Variants in SGCZ observed in about 807,000 individuals in gnomAD.
SGCZ encodes sarcoglycan zeta.
A neutral mutation model predicts 41.3 loss-of-function variants in SGCZ; 40 were observed. The observed-to-expected ratio is 0.97, with a 90% CI of 0.75 to 1.26. The LOEUF (loss-of-function observed/expected upper bound fraction) is 1.26, where lower values mean the gene tolerates loss of function less well. Among genes scored for constraint, SGCZ ranks in the 50% most tolerant of loss-of-function variants. The pLI, the probability that SGCZ is intolerant of heterozygous loss-of-function variation, is 0.00. For synonymous variants in SGCZ, 206 were observed against 137.5 expected (o/e 1.50, Z -3.49); for missense variants, 552 against 369.8 (o/e 1.49, Z -4.04).
intron 2 of SGCZ, among the ~76,000 whole-genome samples, chr8:14,454,090 A>G (rs1800674298): frequency 6.6e-6 from 1 of 152,214 alleles, no homozygotes; most frequent in African/African-American, 2.4e-5. Context: ...GTCCGCAGCA[A>G]GAATTTGGGG....
In SGCZ at chr8:14,652,997, T is replaced by A. The variant is rs185856789; in HGVS notation, c.40-98071A>T. Reference sequence around the variant, plus strand: ...ACACTTTCAAATGACTTCAGATACATGCAATTGTTAATATCATAAATTATG... The same window carrying A: ...ACACTTTCAAATGACTTCAGATACAAGCAATTGTTAATATCATAAATTATG... On this transcript the variant is annotated intron_variant, in intron 1 of 7. Coordinates refer to ENST00000382080, the MANE Select transcript of SGCZ (RefSeq NM_139167.4). Among the ~76,000 whole-genome samples the A allele has an allele frequency of 1.4e-3, 220 of 152,268 alleles. 1 individual carries two copies. Among genetic ancestry groups the A allele is most frequent in the Non-Finnish European group, 2.0e-3 (139 of 68,020 alleles).
chr8:14,670,646 T>G (rs1332194520), intron 1 of SGCZ, among the ~76,000 whole-genome samples: 1 of 152,164 alleles, frequency 6.6e-6, no homozygotes, highest in African/African-American at 2.4e-5. Flanking sequence ...TGGAACACAA[T>G]GTATAATATT....
chr8:15,171,483 CA>C (rs1481226599), intron 1 of SGCZ, among the ~76,000 whole-genome samples: 5 of 152,158 alleles, frequency 3.3e-5, no homozygotes, highest in Non-Finnish European at 7.4e-5. Flanking sequence ...GAAAGGACAC[CA>C]GCCCTTCAGA....
intron 1 of SGCZ, among the ~76,000 whole-genome samples, chr8:14,788,284 A>G (rs927698954): frequency 6.6e-6 from 1 of 152,198 alleles, no homozygotes; most frequent in African/African-American, 2.4e-5. Context: ...TTCCAGAAAC[A>G]TAGACAGTGT....
rs115617038 is a variant in SGCZ, at chr8:14,437,998, T to A, written c.235-113794A>T. Reference sequence around the variant, plus strand: ...TTCAAATAGCCTCCGAGAAATTTTATGAGCATTGTAATTTAGAATCATTAA... The same window carrying A: ...TTCAAATAGCCTCCGAGAAATTTTAAGAGCATTGTAATTTAGAATCATTAA... On this transcript the variant is annotated intron_variant, in intron 2 of 7. Coordinates refer to ENST00000382080, the MANE Select transcript of SGCZ (RefSeq NM_139167.4). Among the ~76,000 whole-genome samples, 1,016 of 152,122 alleles carry A rather than the reference T, an allele frequency of 6.7e-3. 6 individuals are homozygous for A. Among genetic ancestry groups the A allele is most frequent in the South Asian group, 0.026 (123 of 4,820 alleles).
At chr8:14,833,290 T>C (rs1344747636) in intron 1 of SGCZ, among the ~76,000 whole-genome samples, 3 of 152,102 alleles carry the variant, frequency 2.0e-5, no homozygotes, top group African/African-American at 7.2e-5. Flanking sequence ...GAGAGTCATA[T>C]GTGAGTAAAA....
chr8:15,042,563 T>A (rs1372231053), intron 1 of SGCZ, among the ~76,000 whole-genome samples: 2 of 152,188 alleles, frequency 1.3e-5, no homozygotes, highest in Non-Finnish European at 2.9e-5. Flanking sequence ...ATAAATAATA[T>A]TCCAAATCTA....
intron 2 of SGCZ, among the ~76,000 whole-genome samples, chr8:14,507,764 T>G (rs549762239): frequency 2.2e-3 from 149 of 66,518 alleles, no homozygotes; most frequent in Middle Eastern, 0.017. Context: ...TTGTTTGTTT[T>G]TTTGTTTTTG....
chr8:14,211,117 G>A (rs1195363877), intron 4 of SGCZ, among the ~76,000 whole-genome samples: 1 of 152,102 alleles, frequency 6.6e-6, no homozygotes, highest in East Asian at 1.9e-4. Context: ...CCTAAAAATG[G>A]ACCCTGACCC....
At chr8:14,331,867 T>G (rs1802338861) in intron 2 of SGCZ, among the ~76,000 whole-genome samples, 1 of 151,904 alleles carries the variant, frequency 6.6e-6, no homozygotes, top group Non-Finnish European at 1.5e-5. Context: ...AAAAAAATTT[T>G]CATTTGTTTT....
chr8:14,301,554 A>G (rs867706225), intron 3 of SGCZ, among the ~76,000 whole-genome samples: 2 of 152,264 alleles, frequency 1.3e-5, no homozygotes, highest in Middle Eastern at 6.8e-3. Context: ...AAATTGACTT[A>G]CATGAAATCT....
chr8:15,068,864 T>C lies in SGCZ; in HGVS notation c.39+168721A>G, dbSNP rs561026440. Among the ~76,000 whole-genome samples the C allele has an allele frequency of 1.2e-4, 18 of 152,338 alleles. No individual in the cohort carries two copies. In the South Asian group the frequency reaches 3.1e-3, roughly 26 times the overall value. On this transcript the variant is annotated intron_variant, in intron 1 of 7. Coordinates refer to ENST00000382080, the MANE Select transcript of SGCZ (RefSeq NM_139167.4). Reference sequence around the variant, plus strand: ...CACAGAGTCTAAATATTTGTTGATTTATTTGAGTCCAACATTTCTGTATAG... The same window carrying C: ...CACAGAGTCTAAATATTTGTTGATTCATTTGAGTCCAACATTTCTGTATAG...
At chr8:14,579,285 G>T (rs925240196) in intron 1 of SGCZ, among the ~76,000 whole-genome samples, 5 of 152,132 alleles carry the variant, frequency 3.3e-5, no homozygotes, top group African/African-American at 1.2e-4. Flanking sequence ...GTTTAAATAT[G>T]TTTAAGTATT....
chr8:15,004,482 G>C (rs1196423544), intron 1 of SGCZ, among the ~76,000 whole-genome samples: 4 of 152,072 alleles, frequency 2.6e-5, no homozygotes, highest in African/African-American at 4.8e-5. Context: ...AAAAGGTGGA[G>C]ACTTAAGACA....
chr8:15,012,754 T>C (rs182543064), intron 1 of SGCZ, among the ~76,000 whole-genome samples: 1 of 147,342 alleles, frequency 6.8e-6, no homozygotes, highest in East Asian at 2.0e-4. Context: ...AATATAAATA[T>C]GTTTATATAT....
At chr8:14,661,189 T>C (rs1262433883) in intron 1 of SGCZ, among the ~76,000 whole-genome samples, 1 of 152,102 alleles carries the variant, frequency 6.6e-6, no homozygotes. Context: ...TGCCCCCCGA[T>C]GGACAATAAT....
At chr8:14,986,671 G>A (rs930171447) in intron 1 of SGCZ, among the ~76,000 whole-genome samples, 1 of 151,980 alleles carries the variant, frequency 6.6e-6, no homozygotes, top group Non-Finnish European at 1.5e-5. Context: ...ACAGTTTTAA[G>A]AGACTTCTAG....
chr8:15,171,647 C>A (rs1193230273), intron 1 of SGCZ, among the ~76,000 whole-genome samples: 1 of 152,198 alleles, frequency 6.6e-6, no homozygotes, highest in Non-Finnish European at 1.5e-5. Context: ...TCTGATTTCA[C>A]TTTGGATAAT....
At chr8:15,005,000 T>G (rs1170430750) in intron 1 of SGCZ, among the ~76,000 whole-genome samples, 2 of 152,186 alleles carry the variant, frequency 1.3e-5, no homozygotes, top group African/African-American at 4.8e-5. Flanking sequence ...TTGATACTGA[T>G]GTATGCAGTG....
Sources: gnomAD v4.1 joint callset for allele counts (sites outside exome capture counted in the v4.1 genomes callset) on GRCh38, gnomAD v4.1.1 for gene constraint, MANE v1.5 for transcripts, NCBI Gene and HGNC (gene_info 2026-07-23, HGNC 2026-07-21) for gene names.